The following APLP2 variants were observed in gnomAD, a reference collection of about 807,000 sequenced individuals.
The protein encoded by APLP2 is CDEI box-binding protein.
A neutral mutation model predicts 89.9 loss-of-function variants in APLP2; 53 were observed. The observed-to-expected ratio is 0.59, with a 90% CI of 0.47 to 0.74. The LOEUF is 0.74. Among genes scored for constraint, APLP2 ranks in the 30% least tolerant of loss-of-function variants. APLP2 has a pLI of 0.00. For missense variants in APLP2, 973 were observed against 975.9 expected, an observed-to-expected ratio of 1.00 and a Z score of 0.04; for synonymous variants, 372 against 348.6, an observed-to-expected ratio of 1.07 and a Z score of -0.75.
rs760677877 is a variant in APLP2 at position 130,127,793 on chromosome 11, C to T, written c.1249C>T (p.Leu417Phe). The T allele has an allele frequency of 1.2e-6, 2 of 1,614,166 alleles. No individual in the cohort carries two copies. The highest frequency in any genetic ancestry group is 2.2e-5 in the South Asian group (2 of 91,080). Reference protein sequence around the residue: ...RVKKEWEEAELQAKNLPKAER... With the variant: ...RVKKEWEEAEFQAKNLPKAER... ...AAAGAAGGAATGGGAAGAGGCAGAGCTTCAAGCTAAGAACCTCCCCAAAGC... is the reference window on the plus strand; with the variant it reads ...AAAGAAGGAATGGGAAGAGGCAGAGTTTCAAGCTAAGAACCTCCCCAAAGC... The change falls in exon 9 of 17, where the codon CTT becomes TTT. Residue 417 changes from leucine (L) to phenylalanine (F), a missense_variant. Coordinates refer to ENST00000338167, the MANE Select transcript of APLP2 (RefSeq NM_001142276.2).
chr11:130,105,414 CAAAAAA>C (rs377512957), intron 1 of APLP2, among the ~76,000 whole-genome samples: 1 of 144,974 alleles, frequency 6.9e-6, no homozygotes, highest in African/African-American at 2.5e-5. Context: ...GACCCTGTCT[CAAAAAA>C]AAAAGGGTGG....
chr11:130,119,719 TTATATG>T (rs1420921721), intron 3 of APLP2, among the ~76,000 whole-genome samples: 2 of 152,262 alleles, frequency 1.3e-5, no homozygotes, highest in Admixed American at 6.5e-5. Flanking sequence ...TCTCTGCATC[TTATATG>T]TATATTTTTG....
chr11:130,138,949 T>A (rs1287460279), intron 13 of APLP2: 1 of 152,130 alleles, frequency 6.6e-6, no homozygotes, highest in Non-Finnish European at 1.5e-5. Flanking sequence ...GAATAATTCC[T>A]GCCTGTGTGA....
At chr11:130,125,343 G>C (rs971428623) in intron 7 of APLP2, among the ~76,000 whole-genome samples, 1 of 152,236 alleles carries the variant, frequency 6.6e-6, no homozygotes, top group Admixed American at 6.5e-5. Context: ...CGTCTCCAGC[G>C]CTCAGGCCTT....
intron 1 of APLP2, among the ~76,000 whole-genome samples, chr11:130,072,071 A>C (rs1011560521): frequency 2.0e-5 from 3 of 152,188 alleles, no homozygotes; most frequent in East Asian, 1.9e-4. Flanking sequence ...TTGATTGGCA[A>C]ATCTTTAGTG....
chr11:130,083,704 C>T (rs1485491318), intron 1 of APLP2, among the ~76,000 whole-genome samples: 2 of 151,862 alleles, frequency 1.3e-5, no homozygotes, highest in Non-Finnish European at 2.9e-5. Context: ...ATGTATATAT[C>T]ATATTTTCCT....
At chr11:130,089,331 C>T (rs529800588) in intron 1 of APLP2, among the ~76,000 whole-genome samples, 12 of 152,232 alleles carry the variant, frequency 7.9e-5, no homozygotes, top group African/African-American at 1.9e-4. Flanking sequence ...GTCATGCACA[C>T]GCTGGAAGGG....
intron 13 of APLP2, among the ~76,000 whole-genome samples, chr11:130,138,401 A>G (rs7483775): frequency 0.054 from 8,290 of 152,114 alleles, 323 homozygotes; most frequent in East Asian, 0.19. Context: ...CACAACTGAG[A>G]TGTTTATAGA....
chr11:130,129,281 A>G, intron 10 of APLP2, 75 bp downstream of exon 10: 2 of 1,479,280 alleles, frequency 1.4e-6, no homozygotes, highest in Non-Finnish European at 1.8e-6. Context: ...TCAGGTCAGT[A>G]AAAGTGACAT....
intron 1 of APLP2, among the ~76,000 whole-genome samples, chr11:130,086,391 G>C (rs1249854789): frequency 6.6e-6 from 1 of 152,126 alleles, no homozygotes; most frequent in Non-Finnish European, 1.5e-5. Flanking sequence ...TGCTATTGTT[G>C]AATTGTTGGA....
At position 130,116,522 on chromosome 11, in the gene APLP2, G is replaced by A. The variant is rs1337280597; in HGVS notation, c.404-4184G>A. 4.6e-5 allele frequency among the ~76,000 whole-genome samples: 7 copies of A among 152,104 alleles called. No individual in the cohort carries two copies. The South Asian group carries it at 6.2e-4, about 14-fold the overall frequency. On this transcript the variant is annotated intron_variant, in intron 3 of 16. Transcript: ENST00000338167. Reference sequence around the variant, plus strand: ...TTTTTCTTTTTAAGACAGGGTCGCCGTCACCCAGGCTGGAGTGCAGTGGCG... The same window carrying A: ...TTTTTCTTTTTAAGACAGGGTCGCCATCACCCAGGCTGGAGTGCAGTGGCG...
At chr11:130,125,895 T>A (rs1431663783) in intron 7 of APLP2, among the ~76,000 whole-genome samples, 2 of 152,194 alleles carry the variant, frequency 1.3e-5, no homozygotes, top group Non-Finnish European at 2.9e-5. Flanking sequence ...CTAAATTCCA[T>A]CGTGCAGAGA....
At chr11:130,137,521 C>A (rs1397078259) in intron 13 of APLP2, among the ~76,000 whole-genome samples, 1 of 152,158 alleles carries the variant, frequency 6.6e-6, no homozygotes, top group Non-Finnish European at 1.5e-5. Context: ...CGTGGTCATG[C>A]TAAGCTTTCC....
intron 9 of APLP2, 122 bp downstream of exon 9, chr11:130,127,962 A>G (rs1950560018): frequency 3.8e-6 from 3 of 786,694 alleles, no homozygotes; most frequent in Non-Finnish European, 6.1e-6. Flanking sequence ...CTTACAAGGA[A>G]GTTGTAACTG....
chr11:130,098,434 A>G (rs981075953), intron 1 of APLP2, among the ~76,000 whole-genome samples: 4 of 151,692 alleles, frequency 2.6e-5, no homozygotes, highest in Non-Finnish European at 4.4e-5. Flanking sequence ...TTTCAGTTGC[A>G]TGAATTTGTT....
intron 1 of APLP2, among the ~76,000 whole-genome samples, chr11:130,107,797 C>G (rs1947987547): frequency 6.6e-6 from 1 of 152,196 alleles, no homozygotes; most frequent in African/African-American, 2.4e-5. Flanking sequence ...AGGCATCACG[C>G]TACCTGACTT....
At chr11:130,078,762 A>G (rs1449004064) in intron 1 of APLP2, among the ~76,000 whole-genome samples, 1 of 152,002 alleles carries the variant, frequency 6.6e-6, no homozygotes, top group Admixed American at 6.6e-5. Context: ...GTAATCAAGT[A>G]TCTCCCTGTG....
chr11:130,109,417 T>C lies in APLP2; in HGVS notation c.106-12T>C. ...TCTTGGAGTAAACCTGCAATTTTTTTCCCTTTGGTAGGCTCTTGCAGCCAA... is the reference window on the plus strand; with the variant it reads ...TCTTGGAGTAAACCTGCAATTTTTTCCCCTTTGGTAGGCTCTTGCAGCCAA... On this transcript the variant is annotated splice_polypyrimidine_tract_variant and intron_variant, in intron 1 of 16. Coordinates refer to ENST00000338167, the MANE Select transcript of APLP2 (RefSeq NM_001142276.2). 6.2e-7 allele frequency: 1 copy of C among 1,604,560 alleles called. No individual in the cohort carries two copies. Among genetic ancestry groups the C allele is most frequent in the African/African-American group, 1.3e-5 (1 of 74,496 alleles).
Position 130,140,444 on chromosome 11 carries a change from G to A in APLP2, c.1884G>A (p.Glu628=). The A allele has an allele frequency of 6.2e-7, 1 of 1,611,790 alleles. No individual in the cohort carries two copies. Among genetic ancestry groups the A allele is most frequent in the Non-Finnish European group, 8.5e-7 (1 of 1,179,092 alleles). ...ATGGGGGACTGATCGGTGCCGAAGAGAAAGTGATTAACAGTAAGAATAAAG... is the reference window on the plus strand; with the variant it reads ...ATGGGGGACTGATCGGTGCCGAAGAAAAAGTGATTAACAGTAAGAATAAAG... ...EQDGGLIGAE[E]KVINSKNKVD... Residue 628 remains glutamate (E), a synonymous_variant, in exon 14 of 17, where the codon GAG becomes GAA. Transcript: ENST00000338167.
Sources: gnomAD v4.1 joint callset for allele counts (sites outside exome capture counted in the v4.1 genomes callset) on GRCh38, gnomAD v4.1.1 for gene constraint, MANE v1.5 for transcripts, NCBI Gene and HGNC (gene_info 2026-07-23, HGNC 2026-07-21) for gene names.